The following GIGYF2 variants were observed in gnomAD, a reference collection of about 807,000 sequenced individuals.
GIGYF2 encodes the protein GRB10 interacting GYF protein 2.
Under a neutral mutation model 208.1 loss-of-function variants are expected in GIGYF2, and 25 were observed. The ratio of observed to expected loss-of-function variants is 0.12; its 90% confidence interval spans 0.09 to 0.17. GIGYF2 has a LOEUF of 0.17. GIGYF2 is among the 10% of genes least tolerant of loss of function. The pLI, the probability that GIGYF2 is intolerant of heterozygous loss-of-function variation, is 1.00. For synonymous variants in GIGYF2, 534 were observed against 543.8 expected (o/e 0.98, Z 0.25); for missense variants, 1,302 against 1,579.4 (o/e 0.82, Z 2.98).
chr2:232,731,874 A>T (rs1697511590), intron 2 of GIGYF2, among the ~76,000 whole-genome samples: 3 of 135,794 alleles, frequency 2.2e-5, no homozygotes, highest in African/African-American at 5.2e-5. Flanking sequence ...GAATTATTTT[A>T]TATTTTTTAA....
At position 232,812,510 on chromosome 2, in the gene GIGYF2, CT is replaced by C; in HGVS notation, c.2107+22del. 1.1e-6 allele frequency: 1 copy of C among 878,756 alleles called. No individual in the cohort carries two copies. Among genetic ancestry groups the C allele is most frequent in the Non-Finnish European group, 2.0e-6 (1 of 510,308 alleles). 54.4% of individuals were successfully genotyped at this position (878,756 alleles called of 1,614,324 possible). On this transcript the variant is annotated intron_variant, in intron 18 of 28. Coordinates refer to ENST00000373563, the MANE Select transcript of GIGYF2 (RefSeq NM_001103146.3). Reference sequence around the variant, plus strand: ...CCTACAGGTAAAAACTTAGATTAACCTTTAGTACCACTCTGAGGATTCAGAG... The same window carrying C: ...CCTACAGGTAAAAACTTAGATTAACCTTAGTACCACTCTGAGGATTCAGAG...
At chr2:232,749,483 C>A (rs773247883) in intron 5 of GIGYF2, among the ~76,000 whole-genome samples, 6 of 151,854 alleles carry the variant, frequency 4.0e-5, no homozygotes, top group East Asian at 3.9e-4. Flanking sequence ...ATTCAAAACT[C>A]TTCTGTCACC....
chr2:232,836,351 T>A (rs866276442), intron 22 of GIGYF2, among the ~76,000 whole-genome samples: 456 of 35,776 alleles, frequency 0.013, 28 homozygotes, highest in Admixed American at 0.035. Context: ...CTTATATATT[T>A]ATATATATAA....
chr2:232,805,578 A>ATC (rs1700536903), intron 14 of GIGYF2, among the ~76,000 whole-genome samples: 2 of 151,846 alleles, frequency 1.3e-5, no homozygotes, highest in African/African-American at 4.8e-5. Flanking sequence ...ATTTTGTGTG[A>ATC]CTTTCTTGTA....
At chr2:232,724,247 G>A (rs1376194063) in intron 2 of GIGYF2, among the ~76,000 whole-genome samples, 5 of 138,938 alleles carry the variant, frequency 3.6e-5, no homozygotes, top group African/African-American at 5.4e-5. Context: ...TAGTAGAGAC[G>A]GGGTTTCACC....
At position 232,747,601 on chromosome 2, in the gene GIGYF2, CT is replaced by C; in HGVS notation, c.42-10del. ...CCAGAATGTTTGACATATTCTCTGT[CT>C]TTTCTATTCTAGGCTCCGAGCTCTG... On this transcript the variant is annotated splice_polypyrimidine_tract_variant and intron_variant, in intron 3 of 28. Coordinates refer to ENST00000373563, the MANE Select transcript of GIGYF2 (RefSeq NM_001103146.3). 1 of 1,613,722 alleles carries C rather than the reference CT, an allele frequency of 6.2e-7. No individual in the cohort carries two copies. The highest frequency in any genetic ancestry group is 8.5e-7 in the Non-Finnish European group (1 of 1,179,674).
intron 8 of GIGYF2, among the ~76,000 whole-genome samples, chr2:232,784,724 A>G (rs917413974): frequency 1.3e-5 from 2 of 152,194 alleles, no homozygotes; most frequent in Non-Finnish European, 2.9e-5. Flanking sequence ...TATATCAGAT[A>G]TTACATAATA....
intron 8 of GIGYF2, among the ~76,000 whole-genome samples, chr2:232,778,948 A>G (rs1019619238): frequency 6.6e-6 from 1 of 152,172 alleles, no homozygotes; most frequent in Admixed American, 6.5e-5. Context: ...GGAGGGGACA[A>G]AGGAATTTTT....
chr2:232,837,353 G>A (rs1187983068), intron 22 of GIGYF2, among the ~76,000 whole-genome samples: 3 of 152,188 alleles, frequency 2.0e-5, no homozygotes, highest in East Asian at 1.9e-4. Flanking sequence ...AGTAGGTCTT[G>A]GTTTAAGTAT....
intron 11 of GIGYF2, 32 bp from the exon 12 acceptor site, chr2:232,791,226 G>A (rs372215603): frequency 2.3e-5 from 37 of 1,613,774 alleles, no homozygotes; most frequent in Admixed American, 6.7e-5. Context: ...CAAAACTTTC[G>A]TAAGTTCAAC....
intron 28 of GIGYF2, 151 bp downstream of exon 28, chr2:232,850,560 C>T: frequency 2.5e-6 from 2 of 802,856 alleles, no homozygotes; most frequent in Admixed American, 2.0e-5. Flanking sequence ...AATAAGTAGC[C>T]AGTATTTACT....
intron 14 of GIGYF2, among the ~76,000 whole-genome samples, chr2:232,805,482 A>G (rs1410223519): frequency 6.6e-6 from 1 of 152,088 alleles, no homozygotes; most frequent in African/African-American, 2.4e-5. Flanking sequence ...TCTGAAGTCA[A>G]CTTTATCAAA....
At chr2:232,815,809 T>A in intron 19 of GIGYF2, 72 bp downstream of exon 19, 1 of 798,470 alleles carries the variant, frequency 1.3e-6, no homozygotes, top group Non-Finnish European at 2.2e-6. Context: ...TGTTTATTCA[T>A]CTCTCTAGCT....
chr2:232,817,226 A>T (rs1700942215), intron 20 of GIGYF2, among the ~76,000 whole-genome samples, 194 bp downstream of exon 20: 1 of 152,202 alleles, frequency 6.6e-6, no homozygotes, highest in African/African-American at 2.4e-5. Context: ...GTCCTAGTAA[A>T]CCACTAGAAT....
At position 232,856,818 on chromosome 2, in the gene GIGYF2, G is replaced by C. The variant is rs762484207; in HGVS notation, c.3858G>C (p.Glu1286Asp). The change falls in exon 29 of 29, where the codon GAG (glutamate) becomes GAC (aspartate). Residue 1286 changes from glutamate (E) to aspartate (D), a missense_variant. Glu to Asp is a conservative substitution (Grantham distance 45, BLOSUM62 2). This residue lies in a region of GIGYF2 where 25 missense variants were observed against 53.7 expected (regional missense o/e 0.47). Coordinates refer to ENST00000373563, the MANE Select transcript of GIGYF2 (RefSeq NM_001103146.3). The part of the protein sequence containing the change: ...LLGFSVNASS[E>D]RLNMGEIETL... The stretch of plus-strand genomic sequence containing the variant: ...GATTTTCAGTCAATGCATCATCGGA[G>C]CGACTCAACATGGGTGAAATCGAGA... 2.5e-6 allele frequency: 4 copies of C among 1,613,622 alleles called. No individual in the cohort carries two copies. Among genetic ancestry groups the C allele is most frequent in the Non-Finnish European group, 3.4e-6 (4 of 1,179,510 alleles).
intron 2 of GIGYF2, among the ~76,000 whole-genome samples, chr2:232,709,122 A>G (rs1212244198): frequency 2.0e-5 from 3 of 152,114 alleles, no homozygotes; most frequent in Admixed American, 6.5e-5. Flanking sequence ...ACTCCATTCC[A>G]AAAAAAGAAA....
chr2:232,820,595 T>C (rs1344931827), intron 21 of GIGYF2, among the ~76,000 whole-genome samples: 1 of 151,908 alleles, frequency 6.6e-6, no homozygotes, highest in South Asian at 2.1e-4. Context: ...ATTACAGGCA[T>C]GAGCTGCTGT....
intron 8 of GIGYF2, chr2:232,768,291 G>A: frequency 1.2e-6 from 2 of 1,614,144 alleles, no homozygotes; most frequent in Non-Finnish European, 8.5e-7. Flanking sequence ...AGAAACCAGA[G>A]GAGTTGGAAA....
intron 1 of GIGYF2, among the ~76,000 whole-genome samples, chr2:232,699,760 G>A (rs1695761776): frequency 6.6e-6 from 1 of 152,160 alleles, no homozygotes; most frequent in Non-Finnish European, 1.5e-5. Flanking sequence ...TGGAAACAAT[G>A]TATTAACTCA....
Sources: allele counts gnomAD v4.1 joint callset (sites outside exome capture counted in the v4.1 genomes callset), GRCh38; gene constraint gnomAD v4.1.1; regional missense constraint gnomAD v4.1.1; transcripts MANE v1.5; gene names NCBI Gene and HGNC (gene_info 2026-07-23, HGNC 2026-07-21).